SLC22A13: variants seen among roughly 807,000 people sequenced by gnomAD.
SLC22A13 encodes the protein organic anion transporter 10.
Under a neutral mutation model 49.1 loss-of-function variants are expected in SLC22A13, and 42 were observed. The ratio of observed to expected loss-of-function variants is 0.85; its 90% CI spans 0.67 to 1.11. The LOEUF (loss-of-function observed/expected upper bound fraction) is 1.11. Ranked by LOEUF, SLC22A13 falls within the 50% of genes least tolerant of loss-of-function variation. SLC22A13 has a pLI of 0.00. For missense variants in SLC22A13, 694 were observed against 712.8 expected (o/e 0.97, Z 0.30); for synonymous variants, 282 against 293.1 (o/e 0.96, Z 0.39).
intron 1 of SLC22A13, among the ~76,000 whole-genome samples, chr3:38,269,302 G>C (rs1473795895): frequency 6.6e-6 from 1 of 151,720 alleles, no homozygotes; most frequent in East Asian, 1.9e-4. Flanking sequence ...CTGTCACCCA[G>C]GCTGGAGTGC....
intron 1 of SLC22A13, among the ~76,000 whole-genome samples, chr3:38,267,117 G>C (rs932919753): frequency 6.6e-6 from 1 of 152,162 alleles, no homozygotes; most frequent in African/African-American, 2.4e-5. Flanking sequence ...TCTTCTTTAT[G>C]GTGGAAAATC....
In SLC22A13 at chr3:38,275,204, T is replaced by C. The variant is rs756123243; in HGVS notation, c.806+47T>C. The C allele has an allele frequency of 3.1e-6, 5 of 1,608,770 alleles. No homozygotes were observed. The South Asian group carries it at 5.5e-5, about 18-fold the overall frequency. The stretch of plus-strand genomic sequence containing the variant: ...AGCAAGCCCCCCCAGGTTAGTTGTG[T>C]TGTGGTGGGGTTGCAGTGCAGCACC... On this transcript the variant is annotated intron_variant, in intron 4 of 9. Coordinates refer to ENST00000311856, the MANE Select transcript of SLC22A13 (RefSeq NM_004256.4).
chr3:38,269,998 G>C (rs572793798), intron 1 of SLC22A13, among the ~76,000 whole-genome samples: 2 of 151,878 alleles, frequency 1.3e-5, no homozygotes, highest in African/African-American at 2.4e-5. Flanking sequence ...ATAGTTTACT[G>C]AGAATGATAA....
At chr3:38,273,075 A>G (rs1193304084) in intron 1 of SLC22A13, among the ~76,000 whole-genome samples, 1 of 152,222 alleles carries the variant, frequency 6.6e-6, no homozygotes, top group Non-Finnish European at 1.5e-5. Context: ...GTAAGTGCTC[A>G]GTGGTTGCTG....
Position 38,275,423 on chromosome 3 carries a change from C to T in SLC22A13, c.860C>T (p.Ala287Val), listed in dbSNP as rs930228444. ...CTGACCCGTGGGAGGATGGACGAGGCGATACAACTGATCCAGAAGGCGGCC... is the reference window on the plus strand; with the variant it reads ...CTGACCCGTGGGAGGATGGACGAGGTGATACAACTGATCCAGAAGGCGGCC... ...WLLTRGRMDE[A>V]IQLIQKAASV... The change falls in exon 5 of 10, where the codon GCG becomes GTG. Residue 287 changes from alanine to valine, a missense_variant. Ala to Val is a moderately conservative substitution (Grantham distance 64, BLOSUM62 0). Transcript: ENST00000311856. 19 of 1,614,010 alleles carry T rather than the reference C, an allele frequency of 1.2e-5. No homozygotes were observed. The highest frequency in any genetic ancestry group is 1.6e-4 in the Middle Eastern group (1 of 6,084).
intron 4 of SLC22A13, 27 bp from the exon 5 acceptor site, chr3:38,275,343 A>G: frequency 5.0e-6 from 8 of 1,613,886 alleles, no homozygotes; most frequent in Non-Finnish European, 6.8e-6. Flanking sequence ...TCCAGGCCCC[A>G]AGGTCATAGC....
Position 38,277,457 on chromosome 3 carries a change from T to A in SLC22A13, c.1648T>A (p.Tyr550Asn). Residue 550 changes from tyrosine to asparagine, a missense_variant, in exon 10 of 10, where the codon TAC (tyrosine) becomes AAC (asparagine). Transcript: ENST00000311856. ...SPGVAFVSST[Y>N]F ...GGGAGTGGCCTTTGTGAGCAGCACATACTTCTGATTGAGGTCTCTAAGAGC... is the reference window on the plus strand; with the variant it reads ...GGGAGTGGCCTTTGTGAGCAGCACAAACTTCTGATTGAGGTCTCTAAGAGC... 6.2e-7 allele frequency: 1 copy of A among 1,612,786 alleles called. No homozygotes were observed. Among genetic ancestry groups the A allele is most frequent in the Admixed American group, 1.7e-5 (1 of 59,940 alleles).
chr3:38,275,792 C>A (rs936406459), intron 6 of SLC22A13, 90 bp from the exon 7 acceptor site: 7 of 1,482,892 alleles, frequency 4.7e-6, no homozygotes, highest in Non-Finnish European at 5.6e-6. Context: ...GTGCCAGTGT[C>A]CCCTGCTGTG....
At chr3:38,269,262 ATT>A (rs949551205) in intron 1 of SLC22A13, among the ~76,000 whole-genome samples, 1 of 145,948 alleles carries the variant, frequency 6.9e-6, no homozygotes. Flanking sequence ...ATGAACTTCA[ATT>A]TTTTTTTTTT....
chr3:38,276,365 A>G lies in SLC22A13; in HGVS notation c.1316A>G (p.Tyr439Cys). 2 of 1,612,918 alleles carry G rather than the reference A, an allele frequency of 1.2e-6. No homozygotes were observed. The highest frequency in any genetic ancestry group is 1.7e-6 in the Non-Finnish European group (2 of 1,179,406). ...TAAAFTISYVYSAELFPTILR... is the reference protein window; with the variant it reads ...TAAAFTISYVCSAELFPTILR... ...GCTGCCTTTACCATCTCCTATGTGT[A>G]CTCTGCCGAGCTTTTCCCCACCATC... Residue 439 changes from tyrosine (Y) to cysteine (C), a missense_variant, in exon 8 of 10, where the codon TAC (tyrosine) becomes TGC (cysteine). Transcript: ENST00000311856.
rs376701791 is a variant in SLC22A13 at position 38,275,080 on chromosome 3, C to T, written c.729C>T (p.Leu243=). 1.2e-4 allele frequency: 200 copies of T among 1,614,090 alleles called. No homozygotes were observed. The highest frequency in any genetic ancestry group is 1.4e-4 in the Non-Finnish European group (168 of 1,180,030). Residue 243 remains leucine, a synonymous_variant, in exon 4 of 10, where the codon CTC becomes CTT. Coordinates refer to ENST00000311856, the MANE Select transcript of SLC22A13 (RefSeq NM_004256.4). The part of the protein sequence containing the change: ...FSLGQMVLAG[L]AYGFRNWRLL... ...TCGGGCAGATGGTGCTTGCGGGACT[C>T]GCCTACGGTTTCCGCAACTGGAGGC... is the stretch of plus-strand genomic sequence containing the variant.
Position 38,275,601 on chromosome 3 carries a change from C to T in SLC22A13, c.951C>T (p.Pro317=). Residue 317 remains proline (P), a synonymous_variant, in exon 6 of 10, where the codon CCC becomes CCT. Coordinates refer to ENST00000311856, the MANE Select transcript of SLC22A13 (RefSeq NM_004256.4). ...AGCTGGTCCCAGAGAAGACAGGCCC[C>T]TCAGGGAATGCCCTGGATCTGTTCA... ...MNQLVPEKTG[P]SGNALDLFRH... 6.2e-7 allele frequency: 1 copy of T among 1,614,204 alleles called. No homozygotes were observed. The highest frequency in any genetic ancestry group is 1.7e-5 in the Admixed American group (1 of 60,032).
At position 38,276,918 on chromosome 3, in the gene SLC22A13, A is replaced by G. The variant is rs1703591030; in HGVS notation, c.1353A>G (p.Thr451=). ...TGCCCTGGTCTTCCCCCAGGCAGAC[A>G]GGCATGGGGCTGGTGGGCATCTTCT... is the stretch of plus-strand genomic sequence containing the variant. ...AELFPTILRQ[T]GMGLVGIFSR... Residue 451 remains threonine (T), a synonymous_variant, in exon 9 of 10, where the codon ACA becomes ACG. Transcript: ENST00000311856. 6.2e-7 allele frequency: 1 copy of G among 1,613,474 alleles called. No homozygotes were observed. The highest frequency in any genetic ancestry group is 8.5e-7 in the Non-Finnish European group (1 of 1,179,784).
intron 9 of SLC22A13, 117 bp from the exon 10 acceptor site, chr3:38,277,255 C>T: frequency 3.6e-6 from 4 of 1,114,632 alleles, no homozygotes; most frequent in Non-Finnish European, 5.3e-6. Flanking sequence ...CCTCCAGAAC[C>T]ACAGACATCT....
Position 38,266,138 on chromosome 3 carries a change from C to G in SLC22A13, c.278C>G (p.Ala93Gly). The change falls in exon 1 of 10, where the codon GCC (alanine) becomes GGC (glycine). Residue 93 changes from alanine to glycine, a missense_variant. By Grantham distance (60) the Ala-to-Gly change is moderately conservative. Transcript: ENST00000311856. ...CLMFRPPPAN[A>G]SLQDILSHRF... is the part of the protein sequence containing the mutation. ...ATGTTCCGGCCACCCCCCGCCAATGCCAGCCTGCAGGACATCCTCAGCCAC... is the reference window on the plus strand; with the variant it reads ...ATGTTCCGGCCACCCCCCGCCAATGGCAGCCTGCAGGACATCCTCAGCCAC... The G allele has an allele frequency of 6.2e-7, 1 of 1,614,164 alleles. No individual in the cohort carries two copies. The highest frequency in any genetic ancestry group is 2.2e-5 in the East Asian group (1 of 44,884).
rs765934579 is a variant in SLC22A13, at chr3:38,275,953, C to T, written c.1094C>T (p.Thr365Met). The T allele has an allele frequency of 3.2e-5, 52 of 1,614,086 alleles. No individual in the cohort carries two copies. In the East Asian group the frequency reaches 4.2e-4, roughly 13 times the overall value. The change falls in exon 7 of 10, where the codon ACG becomes ATG. Residue 365 changes from threonine (T) to methionine (M), a missense_variant. Thr to Met is a moderately conservative substitution (Grantham distance 81). Transcript: ENST00000311856. ...GACTTCGGCCTGGACGTCTATCTGA[C>T]GCAGCTCATCTTTGGAGCTGTTGAG... ...VGDFGLDVYL[T>M]QLIFGAVEVP...
In SLC22A13 at chr3:38,278,613, A is replaced by T. The variant is rs1192515143; in HGVS notation, c.*1148A>T. ...GGCGGGCGGATTACCTGAGGTCAGG[A>T]ATTTGAGACCAGCCTGGCTGGCATG... is the stretch of plus-strand genomic sequence containing the variant. On this transcript the variant is annotated 3_prime_UTR_variant, in exon 10 of 10. Coordinates refer to ENST00000311856, the MANE Select transcript of SLC22A13 (RefSeq NM_004256.4). Among the ~76,000 whole-genome samples, 1 of 152,040 alleles carries T rather than the reference A, an allele frequency of 6.6e-6. No individual in the cohort carries two copies. Among genetic ancestry groups the T allele is most frequent in the African/African-American group, 2.4e-5 (1 of 41,406 alleles).
rs113294292 is a variant in SLC22A13 at position 38,277,156 on chromosome 3, G to A, written c.1562+29G>A. 72 of 1,516,040 alleles carry A rather than the reference G, an allele frequency of 4.7e-5. No homozygotes were observed. In the Middle Eastern group the frequency reaches 2.4e-3, roughly 50 times the overall value. 93.9% of individuals were successfully genotyped at this position (1,516,040 alleles called of 1,614,324 possible). ...AGCTGCTTGCTTGCACTGAAACCAC[G>A]ACTTGGGTCTCACATTGGCCACGCA... is the stretch of plus-strand genomic sequence containing the variant. On this transcript the variant is annotated intron_variant, in intron 9 of 9. Transcript: ENST00000311856.
chr3:38,273,552 G>C (rs1015748665), intron 1 of SLC22A13, among the ~76,000 whole-genome samples: 9 of 152,174 alleles, frequency 5.9e-5, no homozygotes, highest in African/African-American at 2.2e-4. Flanking sequence ...AGAGACCCAA[G>C]TGTGTCCCAG....
Sources: allele counts gnomAD v4.1 joint callset (sites outside exome capture counted in the v4.1 genomes callset), GRCh38; gene constraint gnomAD v4.1.1; transcripts MANE v1.5; gene names NCBI Gene and HGNC (gene_info 2026-07-23, HGNC 2026-07-21).